BEND5: variants seen among roughly 807,000 people sequenced by gnomAD.
BEND5 encodes BEN domain-containing protein 5.
A neutral mutation model predicts 43.9 loss-of-function variants in BEND5; 22 were observed. The observed-to-expected ratio is 0.50, with a 90% confidence interval of 0.36 to 0.72. BEND5 has a LOEUF of 0.72. Among genes scored for constraint, BEND5 ranks in the 30% least tolerant of loss-of-function variants. The pLI is 0.00. For synonymous variants in BEND5, 228 were observed against 225.9 expected (o/e 1.01, Z -0.08); for missense variants, 428 against 550.6 (o/e 0.78, Z 2.23).
chr1:48,752,991 G>A (rs1227088314), intron 3 of BEND5, among the ~76,000 whole-genome samples: 6 of 151,970 alleles, frequency 3.9e-5, no homozygotes, highest in Admixed American at 1.3e-4. Flanking sequence ...CTCGTGATCC[G>A]CCTGCCTCGG....
chr1:48,776,488 G>A (rs1349717763), intron 1 of BEND5, 118 bp downstream of exon 1: 4 of 747,288 alleles, frequency 5.4e-6, no homozygotes, highest in African/African-American at 1.9e-5. Context: ...GACGGGAGAA[G>A]GAGGCAGGAA....
In BEND5 at chr1:48,762,614, T is replaced by TTGTGTGTGTGTG. The variant is rs58396843; in HGVS notation, c.227-1156_227-1145dup. On this transcript the variant is annotated intron_variant, in intron 1 of 5. Coordinates refer to ENST00000371833, the MANE Select transcript of BEND5 (RefSeq NM_024603.4). ...TAGTTAAATCCAGTCTTTAAGGGTT[T>TTGTGTGTGTGTG]TGTGTGTGTGTGTGTGTGTGTGTGT... is the stretch of plus-strand genomic sequence containing the variant. 6.2e-3 allele frequency among the ~76,000 whole-genome samples: 469 copies of TTGTGTGTGTGTG among 75,142 alleles called. 3 individuals carry two copies. The highest frequency in any genetic ancestry group is 0.017 in the African/African-American group (442 of 25,262). The allele number at this position is 75,142 out of a possible 152,430, so 49.3% of individuals were successfully genotyped here. A position where few individuals can be genotyped will look rare whatever the true frequency, so the allele number is the denominator to read the frequency against.
At chr1:48,750,495 G>A (rs143989320) in intron 3 of BEND5, among the ~76,000 whole-genome samples, 2 of 152,188 alleles carry the variant, frequency 1.3e-5, no homozygotes, top group East Asian at 1.9e-4. Context: ...CATGTAAGGA[G>A]CTCTCTTTTG....
In BEND5 at chr1:48,727,984, G is replaced by C. The variant is rs764665505; in HGVS notation, c.1168C>G (p.Leu390Val). Reference sequence around the variant, plus strand: ...CAGATGTACTTGTTGACTTTGGAGAGTCTCTGTGCAATTTCAGTTTCATCC... The same window carrying C: ...CAGATGTACTTGTTGACTTTGGAGACTCTCTGTGCAATTTCAGTTTCATCC... Reference protein sequence around the residue: ...TVDETEIAQRLSKVNKYICEK... With the variant: ...TVDETEIAQRVSKVNKYICEK... Residue 390 changes from leucine to valine, a missense_variant, in exon 6 of 6, where the codon CTC becomes GTC. Around this residue, in one of 4 missense-constraint regions of BEND5, gnomAD observed 75 missense variants for 148.5 expected, o/e 0.50. Coordinates refer to ENST00000371833, the MANE Select transcript of BEND5 (RefSeq NM_024603.4). 6.2e-7 allele frequency: 1 copy of C among 1,611,998 alleles called. No individual in the cohort carries two copies. The highest frequency in any genetic ancestry group is 1.1e-5 in the South Asian group (1 of 90,834).
intron 1 of BEND5, among the ~76,000 whole-genome samples, chr1:48,770,693 T>C (rs1209049267): frequency 6.6e-6 from 1 of 152,176 alleles, no homozygotes; most frequent in Non-Finnish European, 1.5e-5. Context: ...GGTCTCAAGC[T>C]ACTCATCATT....
At chr1:48,771,148 A>C (rs550538987) in intron 1 of BEND5, among the ~76,000 whole-genome samples, 75 of 152,326 alleles carry the variant, frequency 4.9e-4, no homozygotes, top group Non-Finnish European at 7.2e-4. Flanking sequence ...CTGACCACCT[A>C]GTATAACTCA....
intron 5 of BEND5, among the ~76,000 whole-genome samples, chr1:48,734,295 T>C (rs1462523579): frequency 6.6e-6 from 1 of 152,150 alleles, no homozygotes; most frequent in Non-Finnish European, 1.5e-5. Flanking sequence ...CCTTATAGCT[T>C]TGACCTCAGG....
chr1:48,761,624 T>G (rs996226531), intron 1 of BEND5, among the ~76,000 whole-genome samples, 154 bp from the exon 2 acceptor site: 12 of 152,226 alleles, frequency 7.9e-5, no homozygotes, highest in African/African-American at 2.7e-4. Context: ...CCCTCTTGCA[T>G]GCAGGGATCC....
chr1:48,727,985 T>C lies in BEND5; in HGVS notation c.1167A>G (p.Arg389=), dbSNP rs968323075. 2.5e-6 allele frequency: 4 copies of C among 1,612,240 alleles called. No homozygotes were observed. The highest frequency in any genetic ancestry group is 3.4e-6 in the Non-Finnish European group (4 of 1,178,836). The change falls in exon 6 of 6, where the codon AGA becomes AGG. Residue 389 remains arginine (R), a synonymous_variant. Transcript: ENST00000371833. ...AGATGTACTTGTTGACTTTGGAGAG[T>C]CTCTGTGCAATTTCAGTTTCATCCA... ...ETVDETEIAQ[R]LSKVNKYICE...
At chr1:48,758,033 A>G (rs1043155147) in intron 3 of BEND5, among the ~76,000 whole-genome samples, 1 of 152,182 alleles carries the variant, frequency 6.6e-6, no homozygotes, top group African/African-American at 2.4e-5. Flanking sequence ...CCGGCAGTCA[A>G]AGCTGCTGCC....
At position 48,742,537 on chromosome 1, in the gene BEND5, G is replaced by A. The variant is rs969233814; in HGVS notation, c.894+86C>T. ...CCAGGAGGCCAACCAGTCAAGCTGC[G>A]ATTTGGAAAGCTCCCACCATACTCT... On this transcript the variant is annotated intron_variant, in intron 4 of 5. Coordinates refer to ENST00000371833, the MANE Select transcript of BEND5 (RefSeq NM_024603.4). 1.4e-5 allele frequency: 18 copies of A among 1,300,158 alleles called. No homozygotes were observed. In the African/African-American group the frequency reaches 2.1e-4, roughly 15 times the overall value. 80.5% of individuals were successfully genotyped at this position (1,300,158 alleles called of 1,614,324 possible).
Position 48,742,002 on chromosome 1 carries a change from A to G in BEND5, c.894+621T>C, listed in dbSNP as rs188737548. On this transcript the variant is annotated intron_variant, in intron 4 of 5. Transcript: ENST00000371833. ...TTCACGAGCGATTCCATTACTAATA[A>G]TCTTAAGTTTTTGTTTATGATTTGT... is the stretch of plus-strand genomic sequence containing the variant. Among the ~76,000 whole-genome samples the G allele has an allele frequency of 2.0e-5, 3 of 152,286 alleles. No homozygotes were observed. In the East Asian group the frequency reaches 5.8e-4, roughly 29 times the overall value.
chr1:48,729,465 T>G (rs1242047317), intron 5 of BEND5, among the ~76,000 whole-genome samples: 5 of 152,108 alleles, frequency 3.3e-5, no homozygotes, highest in African/African-American at 1.2e-4. Context: ...CCTTGAGGAA[T>G]TGCTATGGAG....
chr1:48,748,212 T>C (rs1651067879), intron 3 of BEND5, among the ~76,000 whole-genome samples: 1 of 152,204 alleles, frequency 6.6e-6, no homozygotes, highest in African/African-American at 2.4e-5. Flanking sequence ...CCTCCGGAGC[T>C]GGGTAGGAGG....
intron 3 of BEND5, among the ~76,000 whole-genome samples, chr1:48,755,955 G>A (rs984948006): frequency 2.0e-5 from 3 of 152,190 alleles, no homozygotes; most frequent in African/African-American, 7.2e-5. Flanking sequence ...AGAGAAGTTA[G>A]TTAACCTGCC....
chr1:48,732,653 C>T lies in BEND5; in HGVS notation c.1108+3586G>A, dbSNP rs1194329382. 5.3e-5 allele frequency among the ~76,000 whole-genome samples: 8 copies of T among 152,174 alleles called. No homozygotes were observed. The South Asian group carries it at 1.5e-3, about 28-fold the overall frequency. On this transcript the variant is annotated intron_variant, in intron 5 of 5. Coordinates refer to ENST00000371833, the MANE Select transcript of BEND5 (RefSeq NM_024603.4). ...CAACAGAAAGGACCTGGAAGAAGGC[C>T]TCCAGGGCTACAGCACAATAGCAAA...
chr1:48,732,715 C>T (rs531991403), intron 5 of BEND5, among the ~76,000 whole-genome samples: 43 of 152,188 alleles, frequency 2.8e-4, no homozygotes, highest in African/African-American at 9.2e-4. Context: ...AGAGGCGTCC[C>T]AAAGGCAGAT....
chr1:48,732,361 A>G (rs1451564613), intron 5 of BEND5, among the ~76,000 whole-genome samples: 1 of 152,218 alleles, frequency 6.6e-6, no homozygotes, highest in Non-Finnish European at 1.5e-5. Context: ...AGATTTGGGA[A>G]TCATCATTCA....
intron 5 of BEND5, among the ~76,000 whole-genome samples, chr1:48,730,820 T>C (rs559392632): frequency 3.3e-5 from 5 of 152,280 alleles, no homozygotes; most frequent in South Asian, 4.1e-4. Context: ...AAAAAAGTTA[T>C]AAAAATTAAC....
Sources: gnomAD v4.1 joint callset for allele counts (sites outside exome capture counted in the v4.1 genomes callset) on GRCh38, gnomAD v4.1.1 for gene constraint, gnomAD v4.1.1 regional missense constraint, MANE v1.5 for transcripts, NCBI Gene and HGNC (gene_info 2026-07-23, HGNC 2026-07-21) for gene names.